Variants in EHD2 observed in about 807,000 individuals in gnomAD.
The protein encoded by EHD2 is EH domain-containing protein 2.
In EHD2, 27 loss-of-function variants were observed where a neutral mutation model predicts 41.0. The ratio of observed to expected loss-of-function variants is 0.66; its 90% CI spans 0.49 to 0.91. EHD2 has a LOEUF of 0.91. Ranked by LOEUF, EHD2 falls within the 40% of genes least tolerant of loss-of-function variation. The probability of loss-of-function intolerance (pLI) is 0.00; values close to 1 mark genes in which losing one functional copy is unlikely to be tolerated. For missense variants in EHD2, 673 were observed against 773.9 expected (o/e 0.87, Z 1.55); for synonymous variants, 342 against 341.0 (o/e 1.00, Z -0.03).
At position 47,716,731 on chromosome 19, in the gene EHD2, A is replaced by G. The variant is rs1973629325; in HGVS notation, c.119A>G (p.Tyr40Cys). The G allele has an allele frequency of 1.2e-6, 2 of 1,613,292 alleles. No homozygotes were observed. Among genetic ancestry groups the G allele is most frequent in the Non-Finnish European group, 1.7e-6 (2 of 1,179,752 alleles). Residue 40 changes from tyrosine to cysteine, a missense_variant, in exon 2 of 6, where the codon TAC (tyrosine) becomes TGC (cysteine). Coordinates refer to ENST00000263277, the MANE Select transcript of EHD2 (RefSeq NM_014601.4). ...AAGCTGCTGCCGCTGGAGGAGCACT[A>G]CCGCTTTGGGGCCTTCCACTCGCCG... ...RTKLLPLEEH[Y>C]RFGAFHSPAL...
At position 47,741,939 on chromosome 19, in the gene EHD2, C is replaced by T; in HGVS notation, c.*507C>T. 2.2e-6 allele frequency: 1 copy of T among 456,414 alleles called. No homozygotes were observed. Among genetic ancestry groups the T allele is most frequent in the Non-Finnish European group, 4.4e-6 (1 of 227,072 alleles). 28.3% of individuals were successfully genotyped at this position (456,414 alleles called of 1,614,324 possible). A position where few individuals can be genotyped will look rare whatever the true frequency, so the allele number is the denominator to read the frequency against. On this transcript the variant is annotated 3_prime_UTR_variant, in exon 6 of 6. Coordinates refer to ENST00000263277, the MANE Select transcript of EHD2 (RefSeq NM_014601.4). This position sits in a 1 kb window ranked among gnomAD's most constrained non-coding sequence, Gnocchi z 4.5. ...CTGAAATGACTAGCAGATAAACAGA[C>T]CCCCTTCTGCTCCGCTTCCTCCTGC...
At position 47,726,588 on chromosome 19, in the gene EHD2, CCTTCCTCCT is replaced by C. The variant is rs1334499288; in HGVS notation, c.915+365_915+373del. The stretch of plus-strand genomic sequence containing the variant: ...TCCTCCTTCTTCTCTTTCTTCCTCC[CCTTCCTCCT>C]TCCTTCCTTCCTTCCTCTGTTCCTC... On this transcript the variant is annotated intron_variant, in intron 4 of 5. Transcript: ENST00000263277. Among the ~76,000 whole-genome samples the C allele has an allele frequency of 2.0e-5, 3 of 150,552 alleles. No individual in the cohort carries two copies. The East Asian group carries it at 5.8e-4, about 29-fold the overall frequency.
chr19:47,722,057 C>G (rs60497693), intron 3 of EHD2, among the ~76,000 whole-genome samples: 47,269 of 144,496 alleles, frequency 0.33, 10,111 homozygotes, highest in African/African-American at 0.59. Flanking sequence ...CACACACACA[C>G]TGGGAATAAT....
chr19:47,730,542 CCAA>C (rs1158760649), intron 4 of EHD2, among the ~76,000 whole-genome samples: 1 of 152,136 alleles, frequency 6.6e-6, no homozygotes, highest in African/African-American at 2.4e-5. Flanking sequence ...TTGGTCGTCA[CCAA>C]CAATAGCCAT....
intron 5 of EHD2, among the ~76,000 whole-genome samples, chr19:47,740,356 T>C (rs1966972136): frequency 6.6e-6 from 1 of 151,876 alleles, no homozygotes; most frequent in African/African-American, 2.4e-5. Context: ...AGAGGATCGT[T>C]TGAGGCTGGG....
chr19:47,726,544 CTCT>C (rs71180875), intron 4 of EHD2, among the ~76,000 whole-genome samples: 48,812 of 148,546 alleles, frequency 0.33, 8,409 homozygotes, highest in Middle Eastern at 0.51. Context: ...CCTCCTCCTC[CTCT>C]TCTTCTCCCT....
chr19:47,724,304 C>T (rs1973727658), intron 3 of EHD2, among the ~76,000 whole-genome samples: 1 of 151,962 alleles, frequency 6.6e-6, no homozygotes, highest in African/African-American at 2.4e-5. Flanking sequence ...ATTGATCTGC[C>T]CACTTCAGCC....
chr19:47,714,240 C>T (rs573640726), intron 1 of EHD2, among the ~76,000 whole-genome samples: 1 of 152,236 alleles, frequency 6.6e-6, no homozygotes, highest in South Asian at 2.1e-4. Flanking sequence ...CCTTTGAGCA[C>T]TTCCTCACCT....
At chr19:47,728,058 T>C (rs1232234699) in intron 4 of EHD2, among the ~76,000 whole-genome samples, 1 of 142,962 alleles carries the variant, frequency 7.0e-6, no homozygotes, top group Non-Finnish European at 1.5e-5. Flanking sequence ...ATTGTACCAC[T>C]GCACTCCAGC....
intron 4 of EHD2, among the ~76,000 whole-genome samples, chr19:47,734,416 A>G (rs1458721598): frequency 6.6e-6 from 1 of 152,102 alleles, no homozygotes; most frequent in Admixed American, 6.6e-5. Context: ...GATAGGTTGG[A>G]TGTGGCTACT....
At chr19:47,721,211 G>C (rs1466997389) in intron 3 of EHD2, among the ~76,000 whole-genome samples, 1 of 152,048 alleles carries the variant, frequency 6.6e-6, no homozygotes, top group East Asian at 1.9e-4. Context: ...GAGCTCATGT[G>C]TGTGGCTGCC....
At chr19:47,713,591 C>G (rs1261270939) in intron 1 of EHD2, 53 bp downstream of exon 1, 1 of 153,172 alleles carries the variant, frequency 6.5e-6, no homozygotes, top group African/African-American at 2.4e-5. Flanking sequence ...CCCAAGCCTG[C>G]CCTGGTTCCT....
intron 3 of EHD2, among the ~76,000 whole-genome samples, chr19:47,724,866 C>G (rs187121200): frequency 2.0e-5 from 3 of 151,698 alleles, no homozygotes; most frequent in Admixed American, 2.0e-4. Flanking sequence ...ATCCCAGCTA[C>G]TCGGGAGGCT....
At chr19:47,720,084 T>C (rs1346205909) in intron 3 of EHD2, among the ~76,000 whole-genome samples, 5 of 150,886 alleles carry the variant, frequency 3.3e-5, no homozygotes, top group Admixed American at 2.6e-4. Flanking sequence ...GGCTCTGAGG[T>C]TGTATGACTT....
At chr19:47,716,415 C>A in intron 1 of EHD2, 143 bp from the exon 2 acceptor site, 1 of 548,826 alleles carries the variant, frequency 1.8e-6, no homozygotes, top group Non-Finnish European at 3.0e-6. Flanking sequence ...CATCCATGCT[C>A]TGTGACCACA....
chr19:47,738,760 A>AT (rs1966951020), intron 5 of EHD2, among the ~76,000 whole-genome samples: 1 of 152,158 alleles, frequency 6.6e-6, no homozygotes, highest in African/African-American at 2.4e-5. Context: ...GCAACCTAGG[A>AT]TCCCCAACCC....
In EHD2 at chr19:47,731,285, T is replaced by C. The variant is rs868193455; in HGVS notation, c.915+5061T>C. 10 of 76,444 alleles carry C rather than the reference T, an allele frequency of 1.3e-4. 1 individual carries two copies. The South Asian group carries it at 4.9e-3, about 38-fold the overall frequency. 4.7% of individuals were successfully genotyped at this position (76,444 alleles called of 1,614,324 possible). On this transcript the variant is annotated intron_variant, in intron 4 of 5. Transcript: ENST00000263277. ...GATTCTTTAAAAAAAAAAAAATATA[T>C]ATATATATATATATATACATATATA...
chr19:47,715,075 A>G (rs543330738), intron 1 of EHD2, among the ~76,000 whole-genome samples: 75 of 151,776 alleles, frequency 4.9e-4, no homozygotes, highest in African/African-American at 1.7e-3. Context: ...ATAAATAAAT[A>G]AATAAAAAGA....
Position 47,726,634 on chromosome 19 carries a change from C to CCCTCCTCCCTT in EHD2, c.915+417_915+427dup, listed in dbSNP as rs959726884. On this transcript the variant is annotated intron_variant, in intron 4 of 5. Coordinates refer to ENST00000263277, the MANE Select transcript of EHD2 (RefSeq NM_014601.4). The stretch of plus-strand genomic sequence containing the variant: ...TTCCTCTGTTCCTCTCTCCCTTCCT[C>CCCTCCTCCCTT]CCTCCTCCCTTCCTCCTTCCTTACA... Among the ~76,000 whole-genome samples, 3 of 151,524 alleles carry CCCTCCTCCCTT rather than the reference C, an allele frequency of 2.0e-5. 1 individual carries two copies. The highest frequency in any genetic ancestry group is 1.3e-4 in the Admixed American group (2 of 15,142).
Sources: gnomAD v4.1 joint callset for allele counts (sites outside exome capture counted in the v4.1 genomes callset) on GRCh38, gnomAD v4.1.1 for gene constraint, Gnocchi (gnomAD v3.1) non-coding constraint, MANE v1.5 for transcripts, NCBI Gene and HGNC (gene_info 2026-07-23, HGNC 2026-07-21) for gene names.